HMGCLL1: variants seen among roughly 807,000 people sequenced by gnomAD.
HMGCLL1 encodes 3-hydroxymethyl-3-methylglutaryl-CoA lyase, cytoplasmic.
A neutral mutation model predicts 39.1 loss-of-function variants in HMGCLL1; 36 were observed. The observed-to-expected ratio is 0.92, with a 90% CI of 0.71 to 1.22. HMGCLL1 has a LOEUF of 1.22. Among genes scored for constraint, HMGCLL1 ranks in the 50% most tolerant of loss-of-function variants. The pLI is 0.00. For missense variants in HMGCLL1, 451 were observed against 416.5 expected, an observed-to-expected ratio of 1.08 and a Z score of -0.72; for synonymous variants, 149 against 144.0, an observed-to-expected ratio of 1.03 and a Z score of -0.25.
chr6:55,644,815 T>C, the HMGCLL1 span, among the ~76,000 whole-genome samples: 54 of 152,050 alleles, frequency 3.6e-4, no homozygotes, highest in Non-Finnish European at 6.8e-4. Flanking sequence ...GTAGTATTAG[T>C]TGAAGTCAGG....
At chr6:55,591,690 T>C in the HMGCLL1 span, among the ~76,000 whole-genome samples, 1 of 151,772 alleles carries the variant, frequency 6.6e-6, no homozygotes, top group East Asian at 1.9e-4. Flanking sequence ...GGAAGTTTTT[T>C]TTTTTTTTTC....
intron 7 of HMGCLL1, among the ~76,000 whole-genome samples, chr6:55,448,206 G>A (rs1763936352): frequency 6.6e-6 from 1 of 151,908 alleles, no homozygotes; most frequent in Non-Finnish European, 1.5e-5. Context: ...AATATTAACA[G>A]TGAAAATAAG....
At position 55,516,380 on chromosome 6, in the gene HMGCLL1, T is replaced by C. The variant is rs1767736844; in HGVS notation, c.393+128A>G. ...CTGTGAGGACTTGGAGCTCTATGTC[T>C]TCATGTTAGTACATTAGCATAGTAT... On this transcript the variant is annotated intron_variant, in intron 4 of 8. Coordinates refer to ENST00000274901, the MANE Select transcript of HMGCLL1 (RefSeq NM_001042406.2). 1.7e-5 allele frequency: 9 copies of C among 518,648 alleles called. No homozygotes were observed. In the East Asian group the frequency reaches 2.3e-4, roughly 13 times the overall value. The allele number at this position is 518,648 out of a possible 1,614,324, so 32.1% of individuals were successfully genotyped here. A position where few individuals can be genotyped will look rare whatever the true frequency, so the allele number is the denominator to read the frequency against.
chr6:55,563,110 T>C (rs1264747602), intron 1 of HMGCLL1, among the ~76,000 whole-genome samples: 2 of 152,078 alleles, frequency 1.3e-5, no homozygotes, highest in African/African-American at 2.4e-5. Flanking sequence ...CACGGTGATA[T>C]ATAAAAACAT....
chr6:55,515,126 A>G (rs1001063557), intron 4 of HMGCLL1, among the ~76,000 whole-genome samples: 1 of 151,906 alleles, frequency 6.6e-6, no homozygotes, highest in South Asian at 2.1e-4. Flanking sequence ...GGTGGTGTAC[A>G]TCTGTAGTCC....
chr6:55,674,408 GA>G, the HMGCLL1 span, among the ~76,000 whole-genome samples: 26 of 148,636 alleles, frequency 1.7e-4, no homozygotes, highest in East Asian at 5.9e-4. Context: ...AAAAAAAAAA[GA>G]AAAAAAAATT....
At chr6:55,526,508 T>C (rs1768328785) in intron 3 of HMGCLL1, among the ~76,000 whole-genome samples, 1 of 152,076 alleles carries the variant, frequency 6.6e-6, no homozygotes, top group Non-Finnish European at 1.5e-5. Flanking sequence ...TTGCATGAAA[T>C]AAGATTTAAT....
the HMGCLL1 span, among the ~76,000 whole-genome samples, chr6:55,675,682 C>A: frequency 6.6e-6 from 1 of 152,148 alleles, no homozygotes; most frequent in Non-Finnish European, 1.5e-5. Flanking sequence ...TCTCTTCTGT[C>A]ATGCGCTACT....
intron 1 of HMGCLL1, among the ~76,000 whole-genome samples, chr6:55,570,877 C>G (rs1771444425): frequency 6.6e-6 from 1 of 152,288 alleles, no homozygotes; most frequent in Middle Eastern, 3.4e-3. Flanking sequence ...TTCCACATGG[C>G]TAGGGAGGCC....
chr6:55,444,151 T>C (rs1450387980), intron 7 of HMGCLL1, among the ~76,000 whole-genome samples: 2 of 152,118 alleles, frequency 1.3e-5, no homozygotes, highest in Non-Finnish European at 1.5e-5. Context: ...GGGAGTGTTA[T>C]TGGAACTGAA....
At chr6:55,625,856 G>A in the HMGCLL1 span, among the ~76,000 whole-genome samples, 2 of 152,114 alleles carry the variant, frequency 1.3e-5, no homozygotes, top group Admixed American at 1.3e-4. Flanking sequence ...CTCACCAGCG[G>A]GTGACATTAG....
Position 55,551,109 on chromosome 6 carries a change from T to C in HMGCLL1, c.109-8969A>G, listed in dbSNP as rs367625077. ...CCAGATGTTTATGATGAGGACCTTG[T>C]AATACTAAGAGAACTATATAAAGTA... is the stretch of plus-strand genomic sequence containing the variant. On this transcript the variant is annotated intron_variant, in intron 1 of 8. Coordinates refer to ENST00000274901, the MANE Select transcript of HMGCLL1 (RefSeq NM_001042406.2). Among the ~76,000 whole-genome samples the C allele has an allele frequency of 7.3e-5, 11 of 151,542 alleles. No homozygotes were observed. The East Asian group carries it at 2.1e-3, about 29-fold the overall frequency.
chr6:55,510,086 A>G (rs1356619239), intron 5 of HMGCLL1, among the ~76,000 whole-genome samples: 4 of 151,998 alleles, frequency 2.6e-5, no homozygotes, highest in African/African-American at 9.7e-5. Flanking sequence ...TCACAGATAA[A>G]TATTTTAAAG....
At chr6:55,670,195 A>G in the HMGCLL1 span, among the ~76,000 whole-genome samples, 12 of 151,898 alleles carry the variant, frequency 7.9e-5, no homozygotes, top group Admixed American at 7.9e-4. Context: ...GGTGTCACAA[A>G]ATATTTTTCT....
chr6:55,641,886 AT>A, the HMGCLL1 span, among the ~76,000 whole-genome samples: 1 of 110,618 alleles, frequency 9.0e-6, no homozygotes, highest in Non-Finnish European at 1.8e-5. Flanking sequence ...ATTTTTATTT[AT>A]TTATTTATTT....
At chr6:55,641,925 T>C in the HMGCLL1 span, among the ~76,000 whole-genome samples, 3 of 144,854 alleles carry the variant, frequency 2.1e-5, no homozygotes, top group Non-Finnish European at 3.0e-5. Context: ...TTTTTTATTA[T>C]ACTTTAAGTT....
rs112048944 is a variant in HMGCLL1 at position 55,448,154 on chromosome 6, T to C, written c.796-8595A>G. On this transcript the variant is annotated intron_variant, in intron 7 of 8. Coordinates refer to ENST00000274901, the MANE Select transcript of HMGCLL1 (RefSeq NM_001042406.2). ...AAGAAGACAGCCAGAAATATTCAGA[T>C]AGATTGATGTTCAAGGATGAATATT... 5.3e-5 allele frequency among the ~76,000 whole-genome samples: 8 copies of C among 152,132 alleles called. No homozygotes were observed. The South Asian group carries it at 1.2e-3, about 24-fold the overall frequency.
upstream of HMGCLL1, among the ~76,000 whole-genome samples, chr6:55,584,084 G>C (rs1316997238): frequency 6.6e-6 from 1 of 152,002 alleles, no homozygotes; most frequent in Non-Finnish European, 1.5e-5. Flanking sequence ...CTCAGATCCT[G>C]ACTAGCAAGG....
At chr6:55,658,513 G>C in the HMGCLL1 span, among the ~76,000 whole-genome samples, 5 of 151,854 alleles carry the variant, frequency 3.3e-5, no homozygotes, top group Non-Finnish European at 5.9e-5. Context: ...TCATTCCTCT[G>C]CAAACCCCAT....
Sources: gnomAD v4.1 joint callset for allele counts (sites outside exome capture counted in the v4.1 genomes callset) on GRCh38, gnomAD v4.1.1 for gene constraint, MANE v1.5 for transcripts, NCBI Gene and HGNC (gene_info 2026-07-23, HGNC 2026-07-21) for gene names.